DOCK3: variants seen among roughly 807,000 people sequenced by gnomAD.
DOCK3 encodes the protein dedicator of cytokinesis 3.
In DOCK3, 60 loss-of-function variants were observed where a neutral mutation model predicts 265.6. That is an observed-to-expected ratio of 0.23 (90% CI 0.18 to 0.28). The LOEUF is 0.28. DOCK3 is among the 10% of genes least tolerant of loss of function. The pLI, the probability that DOCK3 is intolerant of heterozygous loss-of-function variation, is 1.00. For missense variants in DOCK3, 1,981 were observed against 2,594.3 expected (o/e 0.76, Z 5.14); for synonymous variants, 881 against 938.0 (o/e 0.94, Z 1.11).
chr3:50,854,347 C>T (rs1423682715), intron 3 of DOCK3, among the ~76,000 whole-genome samples: 1 of 150,572 alleles, frequency 6.6e-6, no homozygotes, highest in Non-Finnish European at 1.5e-5. Flanking sequence ...CATATTTGCT[C>T]TTAAAGTCTT....
intron 38 of DOCK3, among the ~76,000 whole-genome samples, chr3:51,342,888 A>G (rs897465995): frequency 6.6e-6 from 1 of 152,086 alleles, no homozygotes; most frequent in Non-Finnish European, 1.5e-5. Flanking sequence ...GAATTTCTGG[A>G]GGAGCAGAGT....
At chr3:51,262,055 C>T (rs1294185392) in intron 23 of DOCK3, among the ~76,000 whole-genome samples, 3 of 152,322 alleles carry the variant, frequency 2.0e-5, no homozygotes, top group South Asian at 4.1e-4. Flanking sequence ...GCACAGTGCT[C>T]GAGCTCTGCT....
At chr3:51,277,129 C>T (rs1204196979) in intron 25 of DOCK3, among the ~76,000 whole-genome samples, 2 of 152,136 alleles carry the variant, frequency 1.3e-5, no homozygotes, top group Non-Finnish European at 2.9e-5. Context: ...GAGAAAACAG[C>T]GTGCTTAGAA....
rs556616111 is a variant in DOCK3 at position 50,714,429 on chromosome 3, A to C, written c.37+39129A>C. ...TTTAAAATGTGGCATATTCTCTGTA[A>C]CCTGCTGTTCTTGCAGATCTGGTCC... is the stretch of plus-strand genomic sequence containing the variant. On this transcript the variant is annotated intron_variant, in intron 1 of 52. Transcript: ENST00000266037. Among the ~76,000 whole-genome samples, 4 of 152,164 alleles carry C rather than the reference A, an allele frequency of 2.6e-5. No individual in the cohort carries two copies. In the East Asian group the frequency reaches 7.7e-4, roughly 29 times the overall value.
chr3:51,248,436 C>A (rs575047310), intron 22 of DOCK3, among the ~76,000 whole-genome samples: 1 of 152,350 alleles, frequency 6.6e-6, no homozygotes, highest in Admixed American at 6.5e-5. Flanking sequence ...CGCGAGTGAT[C>A]CACCAGCCTC....
intron 27 of DOCK3, among the ~76,000 whole-genome samples, chr3:51,287,411 AGACATGGT>A (rs1268348848): frequency 6.6e-6 from 1 of 152,098 alleles, no homozygotes; most frequent in Non-Finnish European, 1.5e-5. Flanking sequence ...AAAATTACCC[AGACATGGT>A]GACATGTGCC....
intron 5 of DOCK3, among the ~76,000 whole-genome samples, chr3:50,988,340 C>T (rs1189263742): frequency 1.3e-5 from 2 of 152,120 alleles, no homozygotes; most frequent in African/African-American, 2.4e-5. Flanking sequence ...CAGGGACCAC[C>T]CCCCCACAAC....
chr3:51,193,179 G>T, intron 12 of DOCK3, among the ~76,000 whole-genome samples: 1 of 152,104 alleles, frequency 6.6e-6, no homozygotes. Context: ...ATAATAATAT[G>T]ATTTTTGTCC....
chr3:51,036,682 A>T (rs545482916), intron 5 of DOCK3, among the ~76,000 whole-genome samples: 3 of 147,348 alleles, frequency 2.0e-5, no homozygotes, highest in African/African-American at 7.4e-5. Context: ...GACTAGGTTA[A>T]TTTTTTTTTT....
intron 19 of DOCK3, 40 bp from the exon 20 acceptor site, chr3:51,236,305 G>T (rs759922926): frequency 6.7e-7 from 1 of 1,481,974 alleles, no homozygotes; most frequent in South Asian, 1.1e-5. Flanking sequence ...TGCGTGTAAG[G>T]TCCTGAGACC....
At chr3:50,702,265 C>T (rs1364797019) in intron 1 of DOCK3, among the ~76,000 whole-genome samples, 2 of 151,970 alleles carry the variant, frequency 1.3e-5, no homozygotes, top group Non-Finnish European at 2.9e-5. Flanking sequence ...TCATTTTTGT[C>T]GTAGAGGTCT....
intron 2 of DOCK3, among the ~76,000 whole-genome samples, chr3:50,814,681 G>C (rs775302294): frequency 1.3e-5 from 2 of 152,062 alleles, no homozygotes; most frequent in African/African-American, 4.8e-5. Context: ...CATTAAAACC[G>C]GACTATAAAA....
At chr3:50,901,752 G>A (rs1219957720) in intron 4 of DOCK3, 1 of 449,708 alleles carries the variant, frequency 2.2e-6, no homozygotes, top group Non-Finnish European at 4.5e-6. Flanking sequence ...TGCTCTTGCT[G>A]GGTGAGGCGA....
At chr3:50,730,495 A>T (rs903080037) in intron 1 of DOCK3, among the ~76,000 whole-genome samples, 3 of 152,216 alleles carry the variant, frequency 2.0e-5, no homozygotes, top group Admixed American at 1.3e-4. Context: ...TAACTCATTT[A>T]TTAAGCCAGC....
intron 9 of DOCK3, among the ~76,000 whole-genome samples, chr3:51,101,935 A>G (rs1019259235): frequency 1.3e-5 from 2 of 152,198 alleles, no homozygotes; most frequent in African/African-American, 4.8e-5. Flanking sequence ...GCTTTTCCAG[A>G]GTTGGGGATA....
At chr3:50,733,465 A>G (rs1048701258) in intron 1 of DOCK3, among the ~76,000 whole-genome samples, 1 of 151,550 alleles carries the variant, frequency 6.6e-6, no homozygotes, top group Non-Finnish European at 1.5e-5. Context: ...CCCCTTAATC[A>G]TTATATAATG....
At chr3:50,696,152 G>A (rs1469125812) in intron 1 of DOCK3, among the ~76,000 whole-genome samples, 1 of 152,076 alleles carries the variant, frequency 6.6e-6, no homozygotes, top group African/African-American at 2.4e-5. Context: ...TTATAATTGG[G>A]GACCATAGCT....
chr3:51,331,364 A>G lies in DOCK3; in HGVS notation c.3488+1141A>G, dbSNP rs78870156. On this transcript the variant is annotated intron_variant, in intron 33 of 52. Coordinates refer to ENST00000266037, the MANE Select transcript of DOCK3 (RefSeq NM_004947.5). ...CGAAGATTTGTCTAATTGTGGAAAC[A>G]AGGCAGTGTTCCTTGGCCACTAACA... Among the ~76,000 whole-genome samples the G allele has an allele frequency of 7.5e-3, 1,136 of 152,326 alleles. 15 individuals are homozygous for G. Among genetic ancestry groups the G allele is most frequent in the African/African-American group, 0.026 (1,089 of 41,570 alleles).
chr3:50,961,273 G>T (rs981633244), intron 5 of DOCK3, among the ~76,000 whole-genome samples: 1 of 152,112 alleles, frequency 6.6e-6, no homozygotes, highest in Non-Finnish European at 1.5e-5. Flanking sequence ...ATTATAGTTG[G>T]CAGATTTTTT....
Sources: gnomAD v4.1 joint callset for allele counts (sites outside exome capture counted in the v4.1 genomes callset) on GRCh38, gnomAD v4.1.1 for gene constraint, MANE v1.5 for transcripts, NCBI Gene and HGNC (gene_info 2026-07-23, HGNC 2026-07-21) for gene names.